The following HGSNAT variants were observed in gnomAD, a reference collection of about 807,000 sequenced individuals.
HGSNAT encodes heparan-alpha-glucosaminide N-acetyltransferase, also known as transmembrane protein 76.
A neutral mutation model predicts 85.2 loss-of-function variants in HGSNAT; 59 were observed. That is an observed-to-expected ratio of 0.69 (90% CI 0.56 to 0.86). HGSNAT has a LOEUF of 0.86. Ranked by LOEUF, HGSNAT falls within the 40% of genes least tolerant of loss-of-function variation. The pLI is 0.00. For synonymous variants in HGSNAT, 321 were observed against 304.5 expected (o/e 1.05, Z -0.56); for missense variants, 756 against 777.1 (o/e 0.97, Z 0.32).
chr8:43,197,730 A>G lies in HGSNAT; in HGVS notation c.1601A>G (p.Asn534Ser). The change falls in exon 16 of 18, where the codon AAC becomes AGC. Residue 534 changes from asparagine to serine, a missense_variant. By Grantham distance (46) the Asn-to-Ser change is conservative (BLOSUM62 1). Coordinates refer to ENST00000379644, the MANE Select transcript of HGSNAT (RefSeq NM_152419.3). ...GAAAATGAAGGCTTTATTCCAGTAAACAAAAATCTCTGGTATGTATGGAAA... is the reference window on the plus strand; with the variant it reads ...GAAAATGAAGGCTTTATTCCAGTAAGCAAAAATCTCTGGTATGTATGGAAA... ...VSENEGFIPVNKNLWSLSYVT... is the reference protein window; with the variant it reads ...VSENEGFIPVSKNLWSLSYVT... 6.2e-7 allele frequency: 1 copy of G among 1,613,032 alleles called. No homozygotes were observed. The highest frequency in any genetic ancestry group is 1.7e-5 in the Admixed American group (1 of 60,022).
At chr8:43,151,554 C>G (rs565165271) in intron 2 of HGSNAT, among the ~76,000 whole-genome samples, 28 of 152,184 alleles carry the variant, frequency 1.8e-4, no homozygotes, top group African/African-American at 6.5e-4. Flanking sequence ...ACAAAACACT[C>G]ATCATATGTT....
At chr8:43,154,492 G>T (rs972613948) in intron 2 of HGSNAT, among the ~76,000 whole-genome samples, 1 of 152,014 alleles carries the variant, frequency 6.6e-6, no homozygotes, top group Non-Finnish European at 1.5e-5. Flanking sequence ...ATGGTTTCCA[G>T]CTTCATCCAT....
At chr8:43,186,852 C>A (rs1025787103) in intron 11 of HGSNAT, among the ~76,000 whole-genome samples, 8 of 152,130 alleles carry the variant, frequency 5.3e-5, no homozygotes, top group Non-Finnish European at 7.3e-5. Flanking sequence ...TCTTTGTTAT[C>A]ATTGATTTCA....
rs2130825582 is a variant in HGSNAT at position 43,199,416 on chromosome 8, C to T, written c.1755C>T (p.Gly585=). 1 of 1,606,116 alleles carries T rather than the reference C, an allele frequency of 6.2e-7. No homozygotes were observed. Among genetic ancestry groups the T allele is most frequent in the South Asian group, 1.1e-5 (1 of 89,284 alleles). The change falls in exon 18 of 18, where the codon GGC becomes GGT. Residue 585 remains glycine, a synonymous_variant. Coordinates refer to ENST00000379644, the MANE Select transcript of HGSNAT (RefSeq NM_152419.3). ...PGMNSILVYV[G]HEVFENYFPF... ...TGAATTCCATTCTGGTATATGTCGG[C>T]CACGAGGTGTTTGAGAACTACTTCC... is the stretch of plus-strand genomic sequence containing the variant.
At chr8:43,144,611 C>T (rs998297356) in intron 1 of HGSNAT, among the ~76,000 whole-genome samples, 11 of 152,254 alleles carry the variant, frequency 7.2e-5, no homozygotes, top group African/African-American at 2.6e-4. Flanking sequence ...AGGTCCCAAA[C>T]ATCGCTTCCA....
At chr8:43,181,048 G>A (rs1230912909) in intron 10 of HGSNAT, among the ~76,000 whole-genome samples, 2 of 109,820 alleles carry the variant, frequency 1.8e-5, no homozygotes, top group African/African-American at 3.5e-5. Context: ...CAGCAGTACC[G>A]TCCAGCCTTG....
At chr8:43,166,541 G>A (rs565563825) in intron 5 of HGSNAT, among the ~76,000 whole-genome samples, 49 of 152,288 alleles carry the variant, frequency 3.2e-4, no homozygotes, top group Admixed American at 2.7e-3. Context: ...TGTTTACAGC[G>A]TGGCTTACTG....
chr8:43,178,242 C>A lies in HGSNAT; in HGVS notation c.1012+8C>A. ...ATTATTGCCTTGGTCCATGTAAGTA[C>A]TTTTTCCCTCTGTTATATATATTCA... On this transcript the variant is annotated splice_region_variant and intron_variant, in intron 10 of 17. Coordinates refer to ENST00000379644, the MANE Select transcript of HGSNAT (RefSeq NM_152419.3). The A allele has an allele frequency of 1.4e-5, 21 of 1,507,454 alleles. No homozygotes were observed. The highest frequency in any genetic ancestry group is 1.9e-5 in the Non-Finnish European group (21 of 1,129,532). The allele number at this position is 1,507,454 out of a possible 1,614,324, so 93.4% of individuals were successfully genotyped here.
rs537833770 is a variant in HGSNAT, at chr8:43,198,166, CG to C, written c.1726+215del. Among the ~76,000 whole-genome samples, 214 of 152,194 alleles carry C rather than the reference CG, an allele frequency of 1.4e-3. 1 individual carries two copies. Among genetic ancestry groups the C allele is most frequent in the Middle Eastern group, 6.8e-3 (2 of 294 alleles). On this transcript the variant is annotated intron_variant, in intron 17 of 17. Transcript: ENST00000379644. ...CCAGAGCAGTCCACCCCATTTTCAC[CG>C]TGTAGGTTGTGGAGTCGTTGTATGA...
chr8:43,168,010 C>T (rs1384311668), intron 5 of HGSNAT: 1 of 236,374 alleles, frequency 4.2e-6, no homozygotes, highest in Non-Finnish European at 8.8e-6. Flanking sequence ...GCTCTGCCTC[C>T]CGGGTTCACA....
At chr8:43,164,207 A>C (rs1803358154) in intron 5 of HGSNAT, among the ~76,000 whole-genome samples, 1 of 152,212 alleles carries the variant, frequency 6.6e-6, no homozygotes, top group African/African-American at 2.4e-5. Context: ...AGTGGGTGAG[A>C]GGACATATGA....
rs956526096 is a variant in HGSNAT at position 43,198,578 on chromosome 8, T to C, written c.1726+626T>C. Among the ~76,000 whole-genome samples the C allele has an allele frequency of 1.3e-4, 19 of 151,954 alleles. 1 individual carries two copies. Among genetic ancestry groups the C allele is most frequent in the East Asian group, 2.0e-4 (1 of 5,096 alleles). On this transcript the variant is annotated intron_variant, in intron 17 of 17. Transcript: ENST00000379644. ...CTGGGATTACAGGCGTGAGCCACCG[T>C]GCCCAGCCTCTGGTTCTTAATAATG...
intron 17 of HGSNAT, among the ~76,000 whole-genome samples, chr8:43,198,539 G>A (rs983156398): frequency 6.6e-6 from 1 of 151,960 alleles, no homozygotes. Flanking sequence ...CGCCCGCCTC[G>A]GCCTCCCAAA....
rs185380365 is a variant in HGSNAT at position 43,143,894 on chromosome 8, A to G, written c.119-3054A>G. Among the ~76,000 whole-genome samples, 41 of 152,076 alleles carry G rather than the reference A, an allele frequency of 2.7e-4. No homozygotes were observed. In the East Asian group the frequency reaches 4.3e-3, roughly 16 times the overall value. ...TCTTGGGGCCTGGTGGTTCTTTGGT[A>G]AGTGTGGTTCTTTGTATTACCTGGG... is the stretch of plus-strand genomic sequence containing the variant. On this transcript the variant is annotated intron_variant, in intron 1 of 17. Coordinates refer to ENST00000379644, the MANE Select transcript of HGSNAT (RefSeq NM_152419.3).
At chr8:43,176,654 A>G (rs979749191) in intron 9 of HGSNAT, among the ~76,000 whole-genome samples, 4 of 152,130 alleles carry the variant, frequency 2.6e-5, no homozygotes, top group Non-Finnish European at 4.4e-5. Flanking sequence ...ACATTTTAAC[A>G]ATATTAATTT....
chr8:43,153,457 T>G (rs1802984760), intron 2 of HGSNAT, among the ~76,000 whole-genome samples: 1 of 152,126 alleles, frequency 6.6e-6, no homozygotes, highest in Non-Finnish European at 1.5e-5. Context: ...CCTCCCAAAG[T>G]GCTAGGATTA....
intron 10 of HGSNAT, among the ~76,000 whole-genome samples, chr8:43,178,750 C>G (rs35190006): frequency 4.7e-5 from 7 of 149,722 alleles, no homozygotes; most frequent in African/African-American, 1.7e-4. Flanking sequence ...GAGGACCCTG[C>G]GGCCTTGGCC....
At chr8:43,171,670 G>A (rs908389790) in intron 7 of HGSNAT, among the ~76,000 whole-genome samples, 4 of 152,136 alleles carry the variant, frequency 2.6e-5, no homozygotes, top group African/African-American at 4.8e-5. Flanking sequence ...TAGCACATCC[G>A]GAATCTATTA....
At position 43,199,773 on chromosome 8, in the gene HGSNAT, T is replaced by C. The variant is rs1205906462; in HGVS notation, c.*204T>C. ...GCCTGTCTATTTGTGACTTACAGAT[T>C]TGAAATGTAATTGTCTTTTTTCCTC... is the stretch of plus-strand genomic sequence containing the variant. On this transcript the variant is annotated 3_prime_UTR_variant, in exon 18 of 18. Transcript: ENST00000379644. 2.5e-6 allele frequency: 1 copy of C among 392,198 alleles called. No homozygotes were observed. Among genetic ancestry groups the C allele is most frequent in the Non-Finnish European group, 4.5e-6 (1 of 222,910 alleles). 24.3% of individuals were successfully genotyped at this position (392,198 alleles called of 1,614,324 possible). A position where few individuals can be genotyped will look rare whatever the true frequency, so the allele number is the denominator to read the frequency against.
Sources: allele counts gnomAD v4.1 joint callset (sites outside exome capture counted in the v4.1 genomes callset), GRCh38; gene constraint gnomAD v4.1.1; transcripts MANE v1.5; gene names NCBI Gene and HGNC (gene_info 2026-07-23, HGNC 2026-07-21).